The following ARHGAP10 variants were observed in gnomAD, a reference collection of about 807,000 sequenced individuals.
ARHGAP10 encodes the protein Rho GTPase activating protein 10.
A neutral mutation model predicts 108.6 loss-of-function variants in ARHGAP10; 87 were observed. The ratio of observed to expected loss-of-function variants is 0.80; its 90% CI spans 0.67 to 0.96. The LOEUF (loss-of-function observed/expected upper bound fraction) is 0.96, where lower values mean the gene tolerates loss of function less well. Ranked by LOEUF, ARHGAP10 falls within the 40% of genes least tolerant of loss-of-function variation. The pLI is 0.00. For synonymous variants in ARHGAP10, 347 were observed against 341.1 expected (o/e 1.02, Z -0.19); for missense variants, 939 against 954.5 (o/e 0.98, Z 0.21).
chr4:147,821,635 T>TA (rs1732501570), intron 1 of ARHGAP10, among the ~76,000 whole-genome samples: 2 of 152,180 alleles, frequency 1.3e-5, no homozygotes, highest in African/African-American at 2.4e-5. Context: ...GCAGGGGCTA[T>TA]ATGGGGAGCC....
At chr4:148,014,920 T>C (rs1362687400) in intron 18 of ARHGAP10, among the ~76,000 whole-genome samples, 1 of 152,224 alleles carries the variant, frequency 6.6e-6, no homozygotes, top group African/African-American at 2.4e-5. Context: ...AAAAGTACTT[T>C]TTTCTTCTTT....
At chr4:147,894,140 TG>T (rs33943951) in intron 10 of ARHGAP10, among the ~76,000 whole-genome samples, 143,858 of 152,246 alleles carry the variant, frequency 0.94, 68,433 homozygotes, top group Non-Finnish European at 1. Flanking sequence ...ATAAATACTT[TG>T]GGTGTGGGAA....
At chr4:148,042,481 C>T (rs1728674355) in intron 19 of ARHGAP10, among the ~76,000 whole-genome samples, 1 of 152,194 alleles carries the variant, frequency 6.6e-6, no homozygotes, top group African/African-American at 2.4e-5. Flanking sequence ...GCCACATGCT[C>T]TCCTGTTTCT....
chr4:147,866,788 A>C lies in ARHGAP10; in HGVS notation c.674A>C (p.Lys225Thr). 1 of 1,612,658 alleles carries C rather than the reference A, an allele frequency of 6.2e-7. No homozygotes were observed. Among genetic ancestry groups the C allele is most frequent in the Non-Finnish European group, 8.5e-7 (1 of 1,178,722 alleles). ...CTTGCCAAAGACTTCAATCACTACA[A>C]AATGGAACTACAGATCAACATTCAG... ...HELAKDFNHY[K>T]MELQINIQNT... is the part of the protein sequence containing the mutation. Residue 225 changes from lysine to threonine, a missense_variant, in exon 7 of 23, where the codon AAA becomes ACA. Lys to Thr is a moderately conservative substitution (Grantham distance 78). Transcript: ENST00000336498.
At chr4:147,804,568 A>G (rs1356785442) in intron 1 of ARHGAP10, among the ~76,000 whole-genome samples, 1 of 152,090 alleles carries the variant, frequency 6.6e-6, no homozygotes, top group Non-Finnish European at 1.5e-5. Context: ...AAGTTGAGAA[A>G]TCTCCAGACT....
chr4:147,790,962 C>G lies in ARHGAP10; in HGVS notation c.155-31765C>G, dbSNP rs530804321. 3.9e-5 allele frequency among the ~76,000 whole-genome samples: 6 copies of G among 152,044 alleles called. No individual in the cohort carries two copies. The East Asian group carries it at 9.7e-4, about 24-fold the overall frequency. ...GTGTCCTTACCATTCTATAAGTAAC[C>G]ACTATTGTGGATTTGGGATGTTTCA... On this transcript the variant is annotated intron_variant, in intron 1 of 22. Transcript: ENST00000336498.
At chr4:147,911,568 T>C (rs1040427806) in intron 12 of ARHGAP10, among the ~76,000 whole-genome samples, 6 of 152,312 alleles carry the variant, frequency 3.9e-5, no homozygotes, top group South Asian at 2.1e-4. Flanking sequence ...TTCACCGTGT[T>C]AGCCAGGATG....
chr4:147,921,774 C>T (rs1334083251), intron 13 of ARHGAP10, among the ~76,000 whole-genome samples: 2 of 152,164 alleles, frequency 1.3e-5, no homozygotes, highest in Non-Finnish European at 2.9e-5. Context: ...GTCCCTCCCA[C>T]CTGCCGTCTC....
chr4:147,924,264 G>GC lies in ARHGAP10; in HGVS notation c.1228+11127dup, dbSNP rs563058982. 5.3e-5 allele frequency among the ~76,000 whole-genome samples: 8 copies of GC among 152,224 alleles called. No homozygotes were observed. The East Asian group carries it at 9.6e-4, about 18-fold the overall frequency. On this transcript the variant is annotated intron_variant, in intron 13 of 22. Coordinates refer to ENST00000336498, the MANE Select transcript of ARHGAP10 (RefSeq NM_024605.4). ...CTGAGACGGCGAACCCCGAGTCCTTGCCTTTACCCCTCGTCCATGTGGTTT... is the reference window on the plus strand; with the variant it reads ...CTGAGACGGCGAACCCCGAGTCCTTGCCCTTTACCCCTCGTCCATGTGGTTT...
chr4:147,864,565 T>G, intron 5 of ARHGAP10: 2 of 291,610 alleles, frequency 6.9e-6, no homozygotes, highest in Non-Finnish European at 1.3e-5. Context: ...ACAAACAGAG[T>G]AGGAGTCACA....
chr4:147,758,250 C>T (rs947915652), intron 1 of ARHGAP10, among the ~76,000 whole-genome samples: 8 of 144,236 alleles, frequency 5.5e-5, no homozygotes, highest in African/African-American at 1.0e-4. Context: ...GCAACAAGAG[C>T]GAAACTTCAT....
intron 18 of ARHGAP10, among the ~76,000 whole-genome samples, chr4:147,998,623 A>G (rs1740570830): frequency 6.6e-6 from 1 of 152,268 alleles, no homozygotes; most frequent in African/African-American, 2.4e-5. Context: ...ATTGCAGTTT[A>G]GGTCGTTTTC....
intron 19 of ARHGAP10, among the ~76,000 whole-genome samples, chr4:148,032,567 T>A (rs893733787): frequency 6.6e-6 from 1 of 152,092 alleles, no homozygotes; most frequent in Admixed American, 6.5e-5. Context: ...TTCTTTATTT[T>A]TATATATAAG....
At chr4:148,049,299 G>T (rs1560892368) in intron 20 of ARHGAP10, among the ~76,000 whole-genome samples, 1 of 152,192 alleles carries the variant, frequency 6.6e-6, no homozygotes, top group South Asian at 2.1e-4. Context: ...CCCAGGTGAC[G>T]ATGAATGAGC....
At chr4:147,741,565 T>C (rs1165381773) in intron 1 of ARHGAP10, among the ~76,000 whole-genome samples, 1 of 152,142 alleles carries the variant, frequency 6.6e-6, no homozygotes, top group Non-Finnish European at 1.5e-5. Flanking sequence ...GACTGGATGG[T>C]ATCTTGTGGT....
intron 1 of ARHGAP10, among the ~76,000 whole-genome samples, chr4:147,742,904 CT>C (rs11419792): frequency 5.5e-5 from 8 of 144,662 alleles, no homozygotes; most frequent in Non-Finnish European, 7.6e-5. Context: ...TACTGAAAGC[CT>C]TTTTTTTTTT....
chr4:147,972,772 G>A (rs1198756757), intron 18 of ARHGAP10, among the ~76,000 whole-genome samples: 2 of 143,708 alleles, frequency 1.4e-5, no homozygotes, highest in Non-Finnish European at 3.1e-5. Context: ...TTTTTTTTTT[G>A]AGACGGAGTT....
At chr4:147,757,287 C>T (rs930618081) in intron 1 of ARHGAP10, among the ~76,000 whole-genome samples, 26 of 151,194 alleles carry the variant, frequency 1.7e-4, no homozygotes, top group Non-Finnish European at 5.9e-5. Context: ...CTCTGCCTCC[C>T]GTGTTCAAGC....
intron 18 of ARHGAP10, among the ~76,000 whole-genome samples, chr4:147,979,068 G>T (rs1437427827): frequency 6.6e-6 from 1 of 151,898 alleles, no homozygotes; most frequent in African/African-American, 2.4e-5. Flanking sequence ...ATTAAGTCCC[G>T]TTTGTCTGTT....
Sources: gnomAD v4.1 joint callset for allele counts (sites outside exome capture counted in the v4.1 genomes callset) on GRCh38, gnomAD v4.1.1 for gene constraint, MANE v1.5 for transcripts, NCBI Gene and HGNC (gene_info 2026-07-23, HGNC 2026-07-21) for gene names.